Variants in SLC25A24 observed in about 807,000 individuals in gnomAD.
The protein encoded by SLC25A24 is mitochondrial adenyl nucleotide antiporter SLC25A24.
SLC25A24 carries 49 observed loss-of-function variants against 60.7 expected under a neutral mutation model. The ratio of observed to expected loss-of-function variants is 0.81; its 90% CI spans 0.64 to 1.02. SLC25A24 has a LOEUF of 1.02. Ranked by LOEUF, SLC25A24 falls within the 50% of genes least tolerant of loss-of-function variation. The pLI, the probability that SLC25A24 is intolerant of heterozygous loss-of-function variation, is 0.00. For missense variants in SLC25A24, 564 were observed against 586.3 expected (o/e 0.96, Z 0.39); for synonymous variants, 202 against 200.6 (o/e 1.01, Z -0.06).
rs1309764385 is a variant in SLC25A24, at chr1:108,134,925, G to A, written c.*1728C>T. 2 of 151,880 alleles carry A rather than the reference G, an allele frequency of 1.3e-5. No homozygotes were observed. The highest frequency in any genetic ancestry group is 6.6e-5 in the Admixed American group (1 of 15,246). 9.4% of individuals were successfully genotyped at this position (151,880 alleles called of 1,614,324 possible). On this transcript the variant is annotated 3_prime_UTR_variant, in exon 10 of 10. Coordinates refer to ENST00000565488, the MANE Select transcript of SLC25A24 (RefSeq NM_013386.5). The stretch of plus-strand genomic sequence containing the variant: ...TCTCGGCTTTTTTCCAAAAGATACA[G>A]AATCATTTTTTGGAAAAGATACAAG...
chr1:108,169,074 T>G (rs1427927787), intron 3 of SLC25A24, among the ~76,000 whole-genome samples: 1 of 152,228 alleles, frequency 6.6e-6, no homozygotes, highest in Non-Finnish European at 1.5e-5. Flanking sequence ...CACACTCTCC[T>G]TTTCCCAAAG....
Position 108,193,140 on chromosome 1 carries a change from T to C in SLC25A24, c.183+6816A>G, listed in dbSNP as rs143052835. ...AAAAAATTGTTTGGCTGCACCTGTC[T>C]AGGAATCCTTCTTTTTAAAAATCCT... On this transcript the variant is annotated intron_variant, in intron 1 of 9. Transcript: ENST00000565488. 1.2e-3 allele frequency among the ~76,000 whole-genome samples: 165 copies of C among 140,288 alleles called. 43 individuals are homozygous for C. In the East Asian group the frequency reaches 0.026, roughly 23 times the overall value. The allele number at this position is 140,288 out of a possible 152,430, so 92.0% of individuals were successfully genotyped here.
chr1:108,200,098 G>A lies in SLC25A24; in HGVS notation c.41C>T (p.Ala14Val). The change falls in exon 1 of 10, where the codon GCC becomes GTC. Residue 14 changes from alanine to valine, a missense_variant. Ala to Val is a moderately conservative substitution (Grantham distance 64, BLOSUM62 0). Coordinates refer to ENST00000565488, the MANE Select transcript of SLC25A24 (RefSeq NM_013386.5). ...CGTCGGCTGCTCCGCGTCCTGGCAG[G>A]CCGCGGTGGGCAGCACGAAGTCCCG... ...WLRDFVLPTA[A>V]CQDAEQPTRY... The A allele has an allele frequency of 6.4e-7, 1 of 1,572,720 alleles. No homozygotes were observed. Among genetic ancestry groups the A allele is most frequent in the Non-Finnish European group, 8.6e-7 (1 of 1,159,888 alleles).
intron 2 of SLC25A24, among the ~76,000 whole-genome samples, chr1:108,183,071 C>T (rs1057166406): frequency 8.5e-5 from 13 of 152,110 alleles, no homozygotes; most frequent in Non-Finnish European, 2.9e-5. Flanking sequence ...GACTACTGTA[C>T]ATGAAAAAGA....
In SLC25A24 at chr1:108,136,630, AG is replaced by A. The variant is rs1343258397; in HGVS notation, c.*22del. On this transcript the variant is annotated 3_prime_UTR_variant, in exon 10 of 10. Transcript: ENST00000565488. ...GAGATTGTTGAAAGTTTCAATTATC[AG>A]GCTAAAGCAAAAAATGCAACATCAT... 4 of 1,594,090 alleles carry A rather than the reference AG, an allele frequency of 2.5e-6. No individual in the cohort carries two copies. The highest frequency in any genetic ancestry group is 3.4e-6 in the Non-Finnish European group (4 of 1,165,716).
intron 3 of SLC25A24, among the ~76,000 whole-genome samples, chr1:108,162,016 A>G (rs1571292187): frequency 1.4e-5 from 2 of 141,144 alleles, no homozygotes; most frequent in East Asian, 4.1e-4. Flanking sequence ...CTCACTGTTC[A>G]ATTCCCACCT....
At chr1:108,147,891 G>C (rs1355803701) in intron 7 of SLC25A24, among the ~76,000 whole-genome samples, 1 of 148,530 alleles carries the variant, frequency 6.7e-6, no homozygotes, top group Non-Finnish European at 1.5e-5. Context: ...TTTCATCTTA[G>C]GCACTCTCTC....
intron 3 of SLC25A24, among the ~76,000 whole-genome samples, chr1:108,172,167 C>T (rs2101629408): frequency 6.6e-6 from 1 of 152,286 alleles, no homozygotes; most frequent in African/African-American, 2.4e-5. Flanking sequence ...ATATGTGAAA[C>T]ACATGTTTCA....
intron 6 of SLC25A24, among the ~76,000 whole-genome samples, chr1:108,153,230 A>G (rs1679802749): frequency 6.6e-6 from 1 of 152,220 alleles, no homozygotes; most frequent in Non-Finnish European, 1.5e-5. Flanking sequence ...CAACCCACAG[A>G]GAACACAGGT....
At chr1:108,141,779 T>G (rs1679449592) in intron 8 of SLC25A24, among the ~76,000 whole-genome samples, 2 of 152,134 alleles carry the variant, frequency 1.3e-5, no homozygotes, top group Admixed American at 1.3e-4. Flanking sequence ...AAATACCACA[T>G]GATTTCACTT....
intron 6 of SLC25A24, among the ~76,000 whole-genome samples, chr1:108,149,348 G>A (rs1378087129): frequency 2.0e-5 from 3 of 152,114 alleles, no homozygotes; most frequent in African/African-American, 7.2e-5. Flanking sequence ...TCATGGGATT[G>A]AGAGTCAGGC....
At position 108,134,731 on chromosome 1, in the gene SLC25A24, ATT is replaced by A. The variant is rs1679233067; in HGVS notation, c.*1920_*1921del. The A allele has an allele frequency of 4.6e-5, 7 of 152,240 alleles. No individual in the cohort carries two copies. In the East Asian group the frequency reaches 1.3e-3, roughly 29 times the overall value. 9.4% of individuals were successfully genotyped at this position (152,240 alleles called of 1,614,324 possible). A position where few individuals can be genotyped will look rare whatever the true frequency, so the allele number is the denominator to read the frequency against. On this transcript the variant is annotated 3_prime_UTR_variant, in exon 10 of 10. Transcript: ENST00000565488. ...TAAGCTAGCTAAGCTGTAGGATACA[ATT>A]TTTGCTTTATTTATAATTTTTTTTT...
chr1:108,138,928 C>G, intron 9 of SLC25A24, 130 bp downstream of exon 9: 2 of 892,238 alleles, frequency 2.2e-6, no homozygotes, highest in Non-Finnish European at 3.2e-6. Flanking sequence ...CTTAAGGAGG[C>G]AATAATGAAA....
rs776415989 is a variant in SLC25A24 at position 108,193,163 on chromosome 1, C to T, written c.183+6793G>A. On this transcript the variant is annotated intron_variant, in intron 1 of 9. Coordinates refer to ENST00000565488, the MANE Select transcript of SLC25A24 (RefSeq NM_013386.5). ...TCTAGGAATCCTTCTTTTTAAAAAT[C>T]CTTATAATGATTTTTTAAAATAAAA... Among the ~76,000 whole-genome samples the T allele has an allele frequency of 2.4e-4, 33 of 139,532 alleles. 6 individuals are homozygous for T. Among genetic ancestry groups the T allele is most frequent in the Non-Finnish European group, 1.3e-4 (8 of 63,698 alleles). 91.5% of individuals were successfully genotyped at this position (139,532 alleles called of 152,430 possible).
At chr1:108,167,273 A>C (rs1204734968) in intron 3 of SLC25A24, among the ~76,000 whole-genome samples, 4 of 151,282 alleles carry the variant, frequency 2.6e-5, no homozygotes, top group African/African-American at 9.7e-5. Context: ...CCAGAGGTGG[A>C]GCCTACAGAG....
intron 3 of SLC25A24, among the ~76,000 whole-genome samples, chr1:108,162,464 T>C (rs1571292616): frequency 6.7e-6 from 1 of 149,838 alleles, no homozygotes; most frequent in South Asian, 2.1e-4. Context: ...TGTTGTTTCC[T>C]GACTTTTTAA....
intron 3 of SLC25A24, among the ~76,000 whole-genome samples, chr1:108,175,288 T>C (rs1280086393): frequency 1.3e-5 from 2 of 152,218 alleles, no homozygotes; most frequent in Admixed American, 6.5e-5. Context: ...TCATGAGATC[T>C]GATTATTTTA....
chr1:108,143,678 A>G lies in SLC25A24; in HGVS notation c.963T>C (p.Thr321=), dbSNP rs1679508901. 3 of 1,612,374 alleles carry G rather than the reference A, an allele frequency of 1.9e-6. 1 individual carries two copies. Among genetic ancestry groups the G allele is most frequent in the South Asian group, 1.1e-5 (1 of 90,408 alleles). ...AATCATATATTCCAGAGTACTGCCC[A>G]GTTTTGCCTACAGCCAGCCTGGTTT... ...VMKTRLAVGK[T]GQYSGIYDCA... The change falls in exon 8 of 10, where the codon ACT becomes ACC. Residue 321 remains threonine, a synonymous_variant. Coordinates refer to ENST00000565488, the MANE Select transcript of SLC25A24 (RefSeq NM_013386.5).
rs567870330 is a variant in SLC25A24, at chr1:108,159,010, C to CAAAACA, written c.511-1396_511-1391dup. On this transcript the variant is annotated intron_variant, in intron 4 of 9. Transcript: ENST00000565488. ...AGAGCAAGACTCCGTCTCAAAAAAA[C>CAAAACA]AAAACAAAAACAAAAACAAAAACAA... Among the ~76,000 whole-genome samples the CAAAACA allele has an allele frequency of 3.7e-4, 57 of 152,010 alleles. No individual in the cohort carries two copies. In the Middle Eastern group the frequency reaches 0.01, roughly 27 times the overall value.
Sources: gnomAD v4.1 joint callset for allele counts (sites outside exome capture counted in the v4.1 genomes callset) on GRCh38, gnomAD v4.1.1 for gene constraint, MANE v1.5 for transcripts, NCBI Gene and HGNC (gene_info 2026-07-23, HGNC 2026-07-21) for gene names.